Variants in MYO16 observed in about 807,000 individuals in gnomAD.
The protein encoded by MYO16 is unconventional myosin-XVI.
MYO16 carries 94 observed loss-of-function variants against 205.3 expected under a neutral mutation model. The observed-to-expected ratio is 0.46, with a 90% CI of 0.39 to 0.54. The LOEUF is 0.54. MYO16 is among the 20% of genes least tolerant of loss of function. The pLI, the probability that MYO16 is intolerant of heterozygous loss-of-function variation, is 0.00. For synonymous variants in MYO16, 988 were observed against 954.0 expected, an observed-to-expected ratio of 1.04 and a Z score of -0.66; for missense variants, 2,315 against 2,387.5, an observed-to-expected ratio of 0.97 and a Z score of 0.63.
intron 4 of MYO16, among the ~76,000 whole-genome samples, chr13:108,763,787 T>TTTGTGTGTGTGTG (rs150965677): frequency 4.9e-5 from 7 of 142,536 alleles, no homozygotes; most frequent in African/African-American, 1.6e-4. Context: ...AGAAAAGGAG[T>TTTGTGTGTGTGTG]TGTGTGTGTG....
chr13:109,146,211 T>C (rs1877321513), intron 32 of MYO16, among the ~76,000 whole-genome samples: 1 of 152,236 alleles, frequency 6.6e-6, no homozygotes, highest in Non-Finnish European at 1.5e-5. Context: ...TCACTATTAA[T>C]TTCAAATATT....
chr13:108,995,491 A>G (rs1266457901), intron 21 of MYO16, among the ~76,000 whole-genome samples: 20 of 152,194 alleles, frequency 1.3e-4, no homozygotes. Flanking sequence ...CACAACATGC[A>G]GGTTAGTTAC....
intron 24 of MYO16, chr13:109,048,866 A>G (rs1402427354): frequency 6.6e-6 from 1 of 151,092 alleles, no homozygotes; most frequent in Non-Finnish European, 1.5e-5. Context: ...AACCAGGTAC[A>G]GTCAGGGAGC....
At chr13:108,922,438 C>T (rs369651990) in intron 16 of MYO16, among the ~76,000 whole-genome samples, 5 of 152,316 alleles carry the variant, frequency 3.3e-5, no homozygotes, top group East Asian at 3.9e-4. Flanking sequence ...GTAAAACTCC[C>T]TCTTTCACGT....
chr13:108,848,401 C>T (rs971056014), intron 10 of MYO16, among the ~76,000 whole-genome samples: 8 of 152,194 alleles, frequency 5.3e-5, no homozygotes, highest in Non-Finnish European at 8.8e-5. Flanking sequence ...TTCACCTGCA[C>T]TATCTTAATC....
At chr13:108,644,903 G>T (rs893793853) in intron 1 of MYO16, among the ~76,000 whole-genome samples, 3 of 152,136 alleles carry the variant, frequency 2.0e-5, no homozygotes, top group Non-Finnish European at 4.4e-5. Context: ...GTTAATAGTG[G>T]CAATTTTATT....
intron 1 of MYO16, among the ~76,000 whole-genome samples, chr13:108,640,512 T>G (rs1489419616): frequency 6.6e-6 from 1 of 152,128 alleles, no homozygotes; most frequent in Non-Finnish European, 1.5e-5. Flanking sequence ...AAATGCTTCA[T>G]TTTTTTGGAG....
rs542002081 is a variant in MYO16, at chr13:108,797,664, A to G, written c.741+4024A>G. ...TTTCAGTGGACTAGTAGGGTCAAAA[A>G]TCTGATTGGATTGAGTTATTTAATT... is the stretch of plus-strand genomic sequence containing the variant. On this transcript the variant is annotated intron_variant, in intron 6 of 34. Transcript: ENST00000457511. 3.1e-4 allele frequency among the ~76,000 whole-genome samples: 47 copies of G among 152,334 alleles called. No individual in the cohort carries two copies. In the South Asian group the frequency reaches 9.1e-3, roughly 30 times the overall value.
At chr13:108,998,418 A>G (rs1940573256) in intron 21 of MYO16, among the ~76,000 whole-genome samples, 1 of 152,200 alleles carries the variant, frequency 6.6e-6, no homozygotes. Flanking sequence ...TATGGCAGGT[A>G]AGGTACAAAT....
At chr13:108,510,408 T>A in the MYO16 span, among the ~76,000 whole-genome samples, 184 of 141,104 alleles carry the variant, frequency 1.3e-3, no homozygotes, top group Non-Finnish European at 2.2e-3. Flanking sequence ...TGAGCCACCA[T>A]GCCCGGTAGA....
chr13:108,806,935 T>C, intron 7 of MYO16, 131 bp downstream of exon 7: 1 of 614,356 alleles, frequency 1.6e-6, no homozygotes. Context: ...AGTGTCTTCT[T>C]ACTGAACAAA....
At chr13:109,158,537 G>C (rs1467542974) in intron 32 of MYO16, among the ~76,000 whole-genome samples, 1 of 152,164 alleles carries the variant, frequency 6.6e-6, no homozygotes, top group Admixed American at 6.5e-5. Context: ...ACATTTCCAA[G>C]GTGAGCCGGA....
the MYO16 span, among the ~76,000 whole-genome samples, chr13:108,587,751 T>C: frequency 6.6e-6 from 1 of 152,154 alleles, no homozygotes; most frequent in Admixed American, 6.6e-5. Flanking sequence ...AGAAGGGGAA[T>C]GACCGCCCAA....
chr13:108,908,486 A>C (rs1487307496), intron 15 of MYO16, among the ~76,000 whole-genome samples: 1 of 152,152 alleles, frequency 6.6e-6, no homozygotes, highest in African/African-American at 2.4e-5. Flanking sequence ...TTTTGCTTTT[A>C]GTGCTGGACT....
intron 4 of MYO16, among the ~76,000 whole-genome samples, chr13:108,741,812 G>A (rs371646342): frequency 6.6e-6 from 1 of 152,138 alleles, no homozygotes; most frequent in Non-Finnish European, 1.5e-5. Context: ...TTTAGGAATT[G>A]GAGTGGGCCA....
At chr13:108,932,479 G>A (rs1009007066) in intron 16 of MYO16, among the ~76,000 whole-genome samples, 9 of 152,164 alleles carry the variant, frequency 5.9e-5, no homozygotes, top group Non-Finnish European at 1.2e-4. Flanking sequence ...CAAGGCCTCC[G>A]GAGTGTTACC....
intron 1 of MYO16, among the ~76,000 whole-genome samples, chr13:108,618,058 C>T (rs1879411939): frequency 6.6e-6 from 1 of 152,154 alleles, no homozygotes; most frequent in Non-Finnish European, 1.5e-5. Flanking sequence ...GCTCTGTCTT[C>T]ACTACCATGA....
At chr13:108,783,135 A>G (rs928471052) in intron 4 of MYO16, among the ~76,000 whole-genome samples, 5 of 152,130 alleles carry the variant, frequency 3.3e-5, no homozygotes, top group Non-Finnish European at 7.4e-5. Flanking sequence ...GACACTCAAC[A>G]CTAGCTCGTG....
intron 4 of MYO16, among the ~76,000 whole-genome samples, chr13:108,776,708 A>G (rs1886135066): frequency 6.6e-6 from 1 of 152,192 alleles, no homozygotes; most frequent in Non-Finnish European, 1.5e-5. Flanking sequence ...CCTATTATCT[A>G]AAGCCTGATA....
Sources: gnomAD v4.1 joint callset for allele counts (sites outside exome capture counted in the v4.1 genomes callset) on GRCh38, gnomAD v4.1.1 for gene constraint, MANE v1.5 for transcripts, NCBI Gene and HGNC (gene_info 2026-07-23, HGNC 2026-07-21) for gene names.